Variants in WDR7 observed in about 807,000 individuals in gnomAD.
The protein encoded by WDR7 is WD repeat-containing protein 7.
WDR7 carries 46 observed loss-of-function variants against 169.4 expected under a neutral mutation model. That is an observed-to-expected ratio of 0.27 (90% CI 0.21 to 0.35). The LOEUF is 0.35. WDR7 is among the 10% of genes least tolerant of loss of function. WDR7 has a pLI of 1.00. For synonymous variants in WDR7, 612 were observed against 666.8 expected (o/e 0.92, Z 1.27); for missense variants, 1,534 against 1,859.3 (o/e 0.83, Z 3.22).
intron 20 of WDR7, among the ~76,000 whole-genome samples, chr18:56,870,282 A>T (rs1182381667): frequency 1.3e-5 from 2 of 152,158 alleles, no homozygotes; most frequent in African/African-American, 4.8e-5. Flanking sequence ...TTTTTATGGT[A>T]TTGTACTTTA....
At chr18:56,726,868 TG>T in intron 13 of WDR7, among the ~76,000 whole-genome samples, 1 of 152,270 alleles carries the variant, frequency 6.6e-6, no homozygotes, top group Non-Finnish European at 1.5e-5. Context: ...GTCTGAGTCC[TG>T]GGTACTGTAC....
At chr18:56,696,513 A>T (rs781708107) in intron 12 of WDR7, 51 bp downstream of exon 12, 2 of 1,444,166 alleles carry the variant, frequency 1.4e-6, no homozygotes, top group South Asian at 2.6e-5. Context: ...GCCAAGTTAT[A>T]TTACTATCAG....
In WDR7 at chr18:57,027,545, A is replaced by T. The variant is rs1318718617; in HGVS notation, c.*338A>T. On this transcript the variant is annotated 3_prime_UTR_variant, in exon 28 of 28. Coordinates refer to ENST00000254442, the MANE Select transcript of WDR7 (RefSeq NM_015285.3). ...AGCACAAAAATCAATAAACACTGTG[A>T]TTGCACTCCCAGCCCAGATCAGCAT... The T allele has an allele frequency of 3.0e-6, 1 of 338,410 alleles. No individual in the cohort carries two copies. Among genetic ancestry groups the T allele is most frequent in the Non-Finnish European group, 5.5e-6 (1 of 181,638 alleles). 21.0% of individuals were successfully genotyped at this position (338,410 alleles called of 1,614,324 possible). A position where few individuals can be genotyped will look rare whatever the true frequency, so the allele number is the denominator to read the frequency against.
At chr18:56,833,736 T>C (rs1354225676) in intron 20 of WDR7, among the ~76,000 whole-genome samples, 1 of 152,230 alleles carries the variant, frequency 6.6e-6, no homozygotes, top group East Asian at 1.9e-4. Context: ...ATTCATAATC[T>C]GGTAGCTAGA....
At chr18:56,893,493 C>A (rs927631960) in intron 21 of WDR7, among the ~76,000 whole-genome samples, 2 of 151,862 alleles carry the variant, frequency 1.3e-5, no homozygotes, top group Admixed American at 1.3e-4. Flanking sequence ...GTTTGTAGAC[C>A]ACCTGCCATG....
At chr18:56,779,729 C>T (rs536407373) in intron 18 of WDR7, among the ~76,000 whole-genome samples, 180 bp downstream of exon 18, 2 of 152,286 alleles carry the variant, frequency 1.3e-5, no homozygotes, top group East Asian at 3.9e-4. Flanking sequence ...ACCAGTAATG[C>T]TCCAGCTGGT....
chr18:56,787,556 C>G (rs2044421668), intron 19 of WDR7, among the ~76,000 whole-genome samples: 1 of 152,114 alleles, frequency 6.6e-6, no homozygotes, highest in Non-Finnish European at 1.5e-5. Context: ...CTTATCGAGT[C>G]CCTGCCTTTT....
rs1341560085 is a variant in WDR7, at chr18:56,787,631, A to T, written c.3190+5975A>T. 2.6e-5 allele frequency among the ~76,000 whole-genome samples: 4 copies of T among 152,240 alleles called. No individual in the cohort carries two copies. In the East Asian group the frequency reaches 7.7e-4, roughly 29 times the overall value. On this transcript the variant is annotated intron_variant, in intron 19 of 27. Transcript: ENST00000254442. The stretch of plus-strand genomic sequence containing the variant: ...TCTTTTTATCCCCCTTGGAAACAGA[A>T]TAGGCTTTCTTTGTTCAATGAAAGA...
intron 25 of WDR7, among the ~76,000 whole-genome samples, chr18:56,956,215 T>C (rs983237811): frequency 4.6e-5 from 7 of 152,294 alleles, no homozygotes; most frequent in Admixed American, 4.6e-4. Context: ...TCCACAGGAA[T>C]GATGCATTTC....
intron 1 of WDR7, among the ~76,000 whole-genome samples, chr18:56,656,847 G>C (rs1218020211): frequency 3.3e-5 from 5 of 151,926 alleles, no homozygotes; most frequent in Non-Finnish European, 5.9e-5. Flanking sequence ...TATAATATTA[G>C]GACATTTTAT....
At chr18:56,967,247 GT>G (rs2145789083) in intron 26 of WDR7, among the ~76,000 whole-genome samples, 1 of 151,582 alleles carries the variant, frequency 6.6e-6, no homozygotes, top group African/African-American at 2.4e-5. Context: ...TCTGCAGGCT[GT>G]TCTTGCCTGT....
chr18:56,848,640 A>C (rs2045599786), intron 20 of WDR7, among the ~76,000 whole-genome samples: 1 of 152,136 alleles, frequency 6.6e-6, no homozygotes, highest in Non-Finnish European at 1.5e-5. Flanking sequence ...TGGATCCCTC[A>C]TGAATGGCTT....
At chr18:56,744,187 C>A (rs1042897385) in intron 14 of WDR7, among the ~76,000 whole-genome samples, 2 of 142,884 alleles carry the variant, frequency 1.4e-5, no homozygotes, top group Non-Finnish European at 3.0e-5. Flanking sequence ...TGCAGTGAGC[C>A]GAGATCGCGC....
intron 12 of WDR7, among the ~76,000 whole-genome samples, chr18:56,696,948 G>A (rs2025717238): frequency 6.6e-6 from 1 of 152,114 alleles, no homozygotes; most frequent in South Asian, 2.1e-4. Context: ...TGATGATTTT[G>A]GAAAATTTCA....
chr18:56,820,359 A>ACAAAAAAAAC (rs1555695954), intron 20 of WDR7, among the ~76,000 whole-genome samples: 1 of 127,464 alleles, frequency 7.8e-6, no homozygotes, highest in Admixed American at 7.7e-5. Context: ...AAAAAAAAAA[A>ACAAAAAAAAC]AAAAACCACC....
intron 14 of WDR7, among the ~76,000 whole-genome samples, chr18:56,742,476 T>C (rs561216581): frequency 2.6e-5 from 4 of 152,366 alleles, no homozygotes; most frequent in South Asian, 4.1e-4. Flanking sequence ...TATGAGATCA[T>C]ATAGAAGTTT....
At chr18:56,865,532 G>T (rs553714717) in intron 20 of WDR7, among the ~76,000 whole-genome samples, 1 of 152,154 alleles carries the variant, frequency 6.6e-6, no homozygotes, top group East Asian at 1.9e-4. Context: ...GAAAATATTT[G>T]TACATGCATG....
chr18:56,676,207 C>G (rs622121), intron 2 of WDR7, among the ~76,000 whole-genome samples: 14,674 of 152,026 alleles, frequency 0.097, 866 homozygotes, highest in Non-Finnish European at 0.13. Context: ...TTTTTGGTTT[C>G]CATTGGCATG....
chr18:56,699,816 ACTGT>A (rs2025782976), intron 12 of WDR7: 1 of 985,390 alleles, frequency 1.0e-6, no homozygotes, highest in Non-Finnish European at 1.2e-6. Context: ...AAAGTGAAAA[ACTGT>A]CTGCTAGGTA....
Sources: allele counts gnomAD v4.1 joint callset (sites outside exome capture counted in the v4.1 genomes callset), GRCh38; gene constraint gnomAD v4.1.1; transcripts MANE v1.5; gene names NCBI Gene and HGNC (gene_info 2026-07-23, HGNC 2026-07-21).